The following TSHZ2 variants were observed in gnomAD, a reference collection of about 807,000 sequenced individuals.
The protein encoded by TSHZ2 is teashirt homolog 2.
TSHZ2 carries 21 observed loss-of-function variants against 74.4 expected under a neutral mutation model. That is an observed-to-expected ratio of 0.28 (90% CI 0.20 to 0.41). The LOEUF is 0.41. TSHZ2 is among the 10% of genes least tolerant of loss of function. The pLI is 1.00. For missense variants in TSHZ2, 1,244 were observed against 1,293.5 expected (o/e 0.96, Z 0.59); for synonymous variants, 540 against 515.3 (o/e 1.05, Z -0.65).
intron 1 of TSHZ2, among the ~76,000 whole-genome samples, chr20:53,251,383 C>T (rs984336012): frequency 6.6e-6 from 1 of 152,182 alleles, no homozygotes. Flanking sequence ...CAGAGACTTT[C>T]TCTTTGAATG....
chr20:53,316,486 A>G (rs1979026371), intron 2 of TSHZ2, among the ~76,000 whole-genome samples: 1 of 152,058 alleles, frequency 6.6e-6, no homozygotes, highest in African/African-American at 2.4e-5. Flanking sequence ...GGCTGTGGTG[A>G]GGTTAAATGA....
chr20:53,195,914 A>T (rs1370396996), intron 1 of TSHZ2, among the ~76,000 whole-genome samples: 2 of 152,152 alleles, frequency 1.3e-5, no homozygotes, highest in African/African-American at 2.4e-5. Flanking sequence ...TGACTTAGAA[A>T]CGGAGAGCCT....
chr20:53,133,969 G>GAAAAAAAAAAAAAA (rs3070080), intron 1 of TSHZ2, among the ~76,000 whole-genome samples: 17 of 127,902 alleles, frequency 1.3e-4, no homozygotes, highest in African/African-American at 5.1e-4. Context: ...CATTTTTTCT[G>GAAAAAAAAAAAAAA]AAAAAAAAAA....
intron 1 of TSHZ2, among the ~76,000 whole-genome samples, chr20:53,025,462 T>C (rs1005968428): frequency 3.9e-5 from 6 of 152,166 alleles, no homozygotes; most frequent in Admixed American, 1.3e-4. Context: ...ATGAAGTCCA[T>C]GTATCCAGTT....
intron 1 of TSHZ2, among the ~76,000 whole-genome samples, chr20:53,025,465 A>G (rs74778244): frequency 0.01 from 1,561 of 152,272 alleles, 30 homozygotes; most frequent in African/African-American, 0.036. Flanking sequence ...AAGTCCATGT[A>G]TCCAGTTGCA....
chr20:53,100,956 A>G (rs1986198973), intron 1 of TSHZ2, among the ~76,000 whole-genome samples: 1 of 152,106 alleles, frequency 6.6e-6, no homozygotes, highest in African/African-American at 2.4e-5. Flanking sequence ...GTCCAATCTT[A>G]ATAGTGGGGC....
At chr20:53,312,135 T>A (rs777949570) in intron 2 of TSHZ2, among the ~76,000 whole-genome samples, 4 of 152,088 alleles carry the variant, frequency 2.6e-5, no homozygotes, top group Non-Finnish European at 5.9e-5. Context: ...GCAACTGCAC[T>A]CACATGACAA....
In TSHZ2 at chr20:53,029,333, C is replaced by T. The variant is rs183718488; in HGVS notation, c.40+56000C>T. On this transcript the variant is annotated intron_variant, in intron 1 of 2. Transcript: ENST00000371497. ...ATTCAGTGAAATTATTTGTATTAGC[C>T]CAGAAATTTTCATTAAAGGAGAATA... Among the ~76,000 whole-genome samples, 76 of 152,156 alleles carry T rather than the reference C, an allele frequency of 5.0e-4. 1 individual carries two copies. In the Middle Eastern group the frequency reaches 0.014, roughly 27 times the overall value.
At chr20:53,375,797 C>T (rs1162607664) in intron 2 of TSHZ2, among the ~76,000 whole-genome samples, 1 of 152,216 alleles carries the variant, frequency 6.6e-6, no homozygotes, top group East Asian at 1.9e-4. Flanking sequence ...GGCCTTGGGA[C>T]CTCGGTCAAG....
At chr20:53,034,446 G>T (rs1332167141) in intron 1 of TSHZ2, among the ~76,000 whole-genome samples, 1 of 152,228 alleles carries the variant, frequency 6.6e-6, no homozygotes, top group Non-Finnish European at 1.5e-5. Context: ...TGGGGATAAA[G>T]AGTGAGCAAG....
intron 1 of TSHZ2, among the ~76,000 whole-genome samples, chr20:53,138,391 GA>G (rs72157952): frequency 0.14 from 13,299 of 98,110 alleles, 781 homozygotes; most frequent in East Asian, 0.27. Flanking sequence ...TCTCAAAAAA[GA>G]AAAAAAAAAA....
intron 2 of TSHZ2, among the ~76,000 whole-genome samples, chr20:53,334,695 T>A (rs572480002): frequency 2.4e-3 from 367 of 152,014 alleles, no homozygotes; most frequent in Non-Finnish European, 2.8e-3. Context: ...TTTTCTAATT[T>A]AAAAAAAATT....
chr20:53,304,718 G>A (rs574153458), intron 2 of TSHZ2, among the ~76,000 whole-genome samples: 145 of 152,248 alleles, frequency 9.5e-4, no homozygotes, highest in African/African-American at 3.4e-3. Flanking sequence ...TGCAACCTCT[G>A]CCTCCCGGGT....
intron 2 of TSHZ2, among the ~76,000 whole-genome samples, chr20:53,279,055 G>A (rs987884666): frequency 8.5e-5 from 13 of 152,212 alleles, no homozygotes; most frequent in Non-Finnish European, 1.9e-4. Flanking sequence ...ACGTTGTCAG[G>A]AAAATCATAA....
intron 2 of TSHZ2, among the ~76,000 whole-genome samples, chr20:53,329,802 T>C (rs1307930424): frequency 1.3e-5 from 2 of 151,748 alleles, no homozygotes. Flanking sequence ...AGGCATCCAC[T>C]GGAGGAAAAG....
intron 1 of TSHZ2, among the ~76,000 whole-genome samples, chr20:53,110,248 T>A (rs190566392): frequency 1.5e-4 from 23 of 152,194 alleles, no homozygotes; most frequent in Admixed American, 1.3e-3. Flanking sequence ...TAGCCCTAGG[T>A]AAGTTATGGC....
chr20:53,300,545 C>T (rs1182520439), intron 2 of TSHZ2, among the ~76,000 whole-genome samples: 3 of 152,160 alleles, frequency 2.0e-5, no homozygotes, highest in East Asian at 1.9e-4. Context: ...TAATCTGAAA[C>T]GTAATATTTA....
At chr20:53,364,018 A>T (rs1247704372) in intron 2 of TSHZ2, among the ~76,000 whole-genome samples, 1 of 152,246 alleles carries the variant, frequency 6.6e-6, no homozygotes, top group Non-Finnish European at 1.5e-5. Context: ...GATGGTGTTA[A>T]ATAGTAATAA....
At chr20:53,262,483 G>A (rs907109685) in intron 2 of TSHZ2, among the ~76,000 whole-genome samples, 1 of 152,184 alleles carries the variant, frequency 6.6e-6, no homozygotes, top group Non-Finnish European at 1.5e-5. Flanking sequence ...GCACACCTCG[G>A]TGAGCAGATT....
Sources: allele counts gnomAD v4.1 joint callset (sites outside exome capture counted in the v4.1 genomes callset), GRCh38; gene constraint gnomAD v4.1.1; transcripts MANE v1.5; gene names NCBI Gene and HGNC (gene_info 2026-07-23, HGNC 2026-07-21).